CPEB3: variants seen among roughly 807,000 people sequenced by gnomAD.
CPEB3 encodes the protein cytoplasmic polyadenylation element-binding protein 3.
CPEB3 carries 20 observed loss-of-function variants against 67.2 expected under a neutral mutation model. The observed-to-expected ratio is 0.30, with a 90% CI of 0.21 to 0.43. The LOEUF (loss-of-function observed/expected upper bound fraction) is 0.43. Ranked by LOEUF, CPEB3 falls within the 20% of genes least tolerant of loss-of-function variation. The pLI is 1.00. For missense variants in CPEB3, 746 were observed against 968.6 expected, an observed-to-expected ratio of 0.77 and a Z score of 3.05; for synonymous variants, 376 against 393.1, an observed-to-expected ratio of 0.96 and a Z score of 0.51.
At chr10:92,240,489 A>G (rs1851795071) in intron 1 of CPEB3, 128 bp from the exon 2 acceptor site, 3 of 876,146 alleles carry the variant, frequency 3.4e-6, no homozygotes, top group African/African-American at 1.7e-5. Context: ...ATGCAAATCC[A>G]TAATCTCCCA....
chr10:92,077,585 T>G, intron 9 of CPEB3, among the ~76,000 whole-genome samples: 1 of 152,022 alleles, frequency 6.6e-6, no homozygotes, highest in East Asian at 1.9e-4. Flanking sequence ...GGTGAAACCT[T>G]ATTTCTACCA....
At chr10:92,186,284 C>T (rs1053908033) in intron 3 of CPEB3, among the ~76,000 whole-genome samples, 7 of 151,328 alleles carry the variant, frequency 4.6e-5, no homozygotes, top group South Asian at 2.1e-4. Flanking sequence ...CAGCTACTCA[C>T]GAGGCTGAGG....
At chr10:92,223,567 C>CTTTTTTTT (rs903904452) in intron 2 of CPEB3, among the ~76,000 whole-genome samples, 5 of 84,146 alleles carry the variant, frequency 5.9e-5, no homozygotes, top group Non-Finnish European at 9.9e-5. Flanking sequence ...CTAATTATTT[C>CTTTTTTTT]TTTTTTTTTT....
At chr10:92,147,529 A>G (rs993707939) in intron 4 of CPEB3, among the ~76,000 whole-genome samples, 3 of 152,196 alleles carry the variant, frequency 2.0e-5, no homozygotes, top group African/African-American at 7.2e-5. Context: ...AACTCAGTGG[A>G]AAACACTTGA....
intron 7 of CPEB3, among the ~76,000 whole-genome samples, chr10:92,106,489 T>C (rs1361485793): frequency 1.3e-5 from 2 of 151,928 alleles, no homozygotes; most frequent in African/African-American, 4.8e-5. Context: ...GAGATGGCAT[T>C]TGTAAGGAGT....
chr10:92,177,878 A>G (rs1848293107), intron 4 of CPEB3, among the ~76,000 whole-genome samples: 2 of 152,162 alleles, frequency 1.3e-5, no homozygotes, highest in South Asian at 4.1e-4. Flanking sequence ...TCAAGAAAGT[A>G]AAAAAAGGAT....
chr10:92,284,338 G>C (rs995865717), intron 1 of CPEB3, among the ~76,000 whole-genome samples: 1 of 151,986 alleles, frequency 6.6e-6, no homozygotes, highest in African/African-American at 2.4e-5. Context: ...CGCCCGGCCA[G>C]AATGGGGTCT....
At chr10:92,210,781 T>C (rs1421991202) in intron 2 of CPEB3, among the ~76,000 whole-genome samples, 1 of 152,230 alleles carries the variant, frequency 6.6e-6, no homozygotes, top group Non-Finnish European at 1.5e-5. Context: ...CTCATGCCTG[T>C]AATCCCAGCA....
intron 6 of CPEB3, among the ~76,000 whole-genome samples, chr10:92,128,984 T>C (rs1409831390): frequency 1.3e-5 from 2 of 152,218 alleles, no homozygotes; most frequent in African/African-American, 4.8e-5. Context: ...GCAAACCCAT[T>C]ACTGGGTATA....
intron 2 of CPEB3, among the ~76,000 whole-genome samples, chr10:92,231,209 T>C (rs1851252136): frequency 6.6e-6 from 1 of 152,160 alleles, no homozygotes; most frequent in African/African-American, 2.4e-5. Context: ...CTTTCTAGAA[T>C]AGGCAGTCAC....
At chr10:92,110,239 G>A (rs988204819) in intron 7 of CPEB3, among the ~76,000 whole-genome samples, 3 of 152,204 alleles carry the variant, frequency 2.0e-5, no homozygotes, top group African/African-American at 7.2e-5. Flanking sequence ...AAAGGCCGCT[G>A]CAGGCCCTGT....
intron 4 of CPEB3, among the ~76,000 whole-genome samples, chr10:92,168,566 T>C (rs1176408035): frequency 2.6e-5 from 4 of 152,126 alleles, no homozygotes; most frequent in African/African-American, 7.2e-5. Flanking sequence ...TGGGAGGTAA[T>C]TGAATCATGG....
intron 9 of CPEB3, among the ~76,000 whole-genome samples, chr10:92,074,262 A>T (rs1842861099): frequency 6.6e-6 from 1 of 152,138 alleles, no homozygotes; most frequent in Admixed American, 6.6e-5. Flanking sequence ...GTCACCTCTC[A>T]ATCTTCATTC....
intron 2 of CPEB3, among the ~76,000 whole-genome samples, chr10:92,217,950 T>A (rs1850512502): frequency 6.6e-6 from 1 of 151,842 alleles, no homozygotes. Context: ...AAACCCCGTT[T>A]CTACAAAAAA....
chr10:92,224,855 A>T (rs556334163), intron 2 of CPEB3, among the ~76,000 whole-genome samples: 1 of 148,440 alleles, frequency 6.7e-6, no homozygotes, highest in Non-Finnish European at 1.5e-5. Context: ...CTTCTTAAAA[A>T]AAACTATATA....
At chr10:92,125,065 C>G (rs149245056) in intron 6 of CPEB3, among the ~76,000 whole-genome samples, 1 of 152,346 alleles carries the variant, frequency 6.6e-6, no homozygotes, top group East Asian at 1.9e-4. Flanking sequence ...TGGTTAAGAG[C>G]ACCAGAGGGC....
In CPEB3 at chr10:92,156,531, C is replaced by T. The variant is rs61875206; in HGVS notation, c.1223-11446G>A. On this transcript the variant is annotated intron_variant, in intron 4 of 9. Transcript: ENST00000265997. ...GACAAGATCTGGTGACTGATTAGTA[C>T]GTGAGAAGAGGAAAAGCCAGGCCCT... Among the ~76,000 whole-genome samples, 178 of 152,250 alleles carry T rather than the reference C, an allele frequency of 1.2e-3. 2 individuals are homozygous for T. In the South Asian group the frequency reaches 0.014, roughly 12 times the overall value.
At position 92,111,273 on chromosome 10, in the gene CPEB3, GTT is replaced by G. The variant is rs1423297166; in HGVS notation, c.1454-81_1454-80del. On this transcript the variant is annotated intron_variant, in intron 6 of 9. Coordinates refer to ENST00000265997, the MANE Select transcript of CPEB3 (RefSeq NM_014912.5). ...AAGTACCAATTACAAATTATCTGTT[GTT>G]TCATTTTGGCAAATTCTTACTAAAA... 3.0e-6 allele frequency: 3 copies of G among 989,020 alleles called. No individual in the cohort carries two copies. In the African/African-American group the frequency reaches 4.8e-5, roughly 16 times the overall value. 61.3% of individuals were successfully genotyped at this position (989,020 alleles called of 1,614,324 possible).
chr10:92,144,646 A>T (rs1846594560), intron 5 of CPEB3, among the ~76,000 whole-genome samples: 1 of 152,222 alleles, frequency 6.6e-6, no homozygotes. Flanking sequence ...TTGAGTTGCA[A>T]CTGCACCATC....
Sources: allele counts gnomAD v4.1 joint callset (sites outside exome capture counted in the v4.1 genomes callset), GRCh38; gene constraint gnomAD v4.1.1; transcripts MANE v1.5; gene names NCBI Gene and HGNC (gene_info 2026-07-23, HGNC 2026-07-21).